CDH10: variants seen among roughly 807,000 people sequenced by gnomAD.
CDH10 encodes cadherin-10.
A neutral mutation model predicts 73.1 loss-of-function variants in CDH10; 30 were observed. The ratio of observed to expected loss-of-function variants is 0.41; its 90% CI spans 0.31 to 0.56. The LOEUF is 0.56. Ranked by LOEUF, CDH10 falls within the 20% of genes least tolerant of loss-of-function variation. The pLI, the probability that CDH10 is intolerant of heterozygous loss-of-function variation, is 0.27. For synonymous variants in CDH10, 345 were observed against 348.2 expected (o/e 0.99, Z 0.10); for missense variants, 815 against 973.7 (o/e 0.84, Z 2.17).
chr5:24,597,534 T>C (rs1444744951), intron 1 of CDH10, among the ~76,000 whole-genome samples: 1 of 152,096 alleles, frequency 6.6e-6, no homozygotes, highest in Admixed American at 6.6e-5. Flanking sequence ...TCCACGTTTT[T>C]TTAACCAGAG....
chr5:24,561,866 T>A (rs1290209132), intron 2 of CDH10, among the ~76,000 whole-genome samples: 1 of 152,088 alleles, frequency 6.6e-6, no homozygotes, highest in African/African-American at 2.4e-5. Context: ...ATTCAGAACA[T>A]TAAGAGAGGC....
intron 9 of CDH10, among the ~76,000 whole-genome samples, chr5:24,493,909 A>C (rs1166669497): frequency 6.6e-6 from 1 of 151,940 alleles, no homozygotes; most frequent in Non-Finnish European, 1.5e-5. Flanking sequence ...TAAAAACATT[A>C]TGTCAAAAAT....
intron 1 of CDH10, among the ~76,000 whole-genome samples, chr5:24,620,165 G>A (rs776454966): frequency 2.0e-5 from 3 of 152,048 alleles, no homozygotes; most frequent in African/African-American, 4.8e-5. Context: ...CTCCTCACAC[G>A]TTAATAGGCA....
chr5:24,631,650 C>T (rs2112197462), intron 1 of CDH10, among the ~76,000 whole-genome samples: 1 of 151,932 alleles, frequency 6.6e-6, no homozygotes, highest in African/African-American at 2.4e-5. Context: ...CCTGAAACTC[C>T]AATCATATCG....
intron 2 of CDH10, among the ~76,000 whole-genome samples, chr5:24,589,514 A>G: frequency 6.7e-6 from 1 of 148,466 alleles, no homozygotes; most frequent in East Asian, 2.0e-4. Context: ...GTGTTTTGGG[A>G]TTTTTCTCAA....
At chr5:24,618,103 C>G (rs1747184138) in intron 1 of CDH10, among the ~76,000 whole-genome samples, 1 of 152,098 alleles carries the variant, frequency 6.6e-6, no homozygotes, top group Admixed American at 6.5e-5. Context: ...AGAATTTTTT[C>G]ACTGTTAAAT....
At chr5:24,517,237 C>T (rs779765649) in intron 5 of CDH10, among the ~76,000 whole-genome samples, 1 of 152,122 alleles carries the variant, frequency 6.6e-6, no homozygotes, top group Non-Finnish European at 1.5e-5. Flanking sequence ...GAAGTAGTCG[C>T]ACATTTTTGT....
At chr5:24,507,701 C>T (rs1029674327) in intron 7 of CDH10, among the ~76,000 whole-genome samples, 7 of 151,564 alleles carry the variant, frequency 4.6e-5, no homozygotes, top group African/African-American at 1.2e-4. Context: ...CAAGAAAATG[C>T]TTGGTAAATA....
intron 1 of CDH10, among the ~76,000 whole-genome samples, chr5:24,637,814 C>A (rs148655714): frequency 2.0e-5 from 3 of 151,766 alleles, no homozygotes; most frequent in African/African-American, 7.3e-5. Flanking sequence ...TAAGTACTAT[C>A]AAAAATTTCA....
At chr5:24,518,219 C>G (rs1267712511) in intron 5 of CDH10, among the ~76,000 whole-genome samples, 1 of 151,970 alleles carries the variant, frequency 6.6e-6, no homozygotes, top group Non-Finnish European at 1.5e-5. Context: ...AAGTGAGGCA[C>G]GTTAATATCT....
intron 2 of CDH10, among the ~76,000 whole-genome samples, chr5:24,545,222 T>G (rs1744296812): frequency 6.6e-6 from 1 of 152,184 alleles, no homozygotes; most frequent in African/African-American, 2.4e-5. Context: ...AAAATGACAT[T>G]GAACGTTTTT....
intron 1 of CDH10, among the ~76,000 whole-genome samples, chr5:24,644,250 A>C (rs1318856268): frequency 1.3e-5 from 2 of 152,188 alleles, no homozygotes; most frequent in South Asian, 4.1e-4. Flanking sequence ...TTTAAAATAA[A>C]AATGAACAAG....
chr5:24,600,186 C>T (rs1206955875), intron 1 of CDH10, among the ~76,000 whole-genome samples: 1 of 152,054 alleles, frequency 6.6e-6, no homozygotes, highest in Non-Finnish European at 1.5e-5. Flanking sequence ...GGATCAATCC[C>T]AAAATATAGA....
At chr5:24,575,355 C>CAAAAAAAAAAA (rs751333761) in intron 2 of CDH10, among the ~76,000 whole-genome samples, 33 of 123,810 alleles carry the variant, frequency 2.7e-4, no homozygotes, top group African/African-American at 6.8e-4. Flanking sequence ...ACAAAAACAA[C>CAAAAAAAAAAA]AAAAAAAAAA....
At chr5:24,613,493 G>T (rs1579471744) in intron 1 of CDH10, among the ~76,000 whole-genome samples, 3 of 111,320 alleles carry the variant, frequency 2.7e-5, no homozygotes, top group Non-Finnish European at 5.3e-5. Flanking sequence ...TTCTGCTATT[G>T]TTTGGCTTGC....
intron 2 of CDH10, among the ~76,000 whole-genome samples, chr5:24,564,138 G>A (rs948674858): frequency 1.3e-5 from 2 of 152,110 alleles, no homozygotes; most frequent in Non-Finnish European, 2.9e-5. Context: ...TGTAATATGT[G>A]TATTCATTGC....
intron 1 of CDH10, among the ~76,000 whole-genome samples, chr5:24,623,654 T>C (rs1747391236): frequency 6.6e-6 from 1 of 152,142 alleles, no homozygotes; most frequent in Non-Finnish European, 1.5e-5. Context: ...TGAACAAAAA[T>C]ATTTATGAAT....
chr5:24,534,860 T>TCA (rs1188635076), intron 5 of CDH10, among the ~76,000 whole-genome samples: 1 of 152,126 alleles, frequency 6.6e-6, no homozygotes, highest in Non-Finnish European at 1.5e-5. Context: ...GATGCCAGGC[T>TCA]CACATATGAA....
Position 24,487,708 on chromosome 5 carries a change from C to T in CDH10, c.2322G>A (p.Lys774=), listed in dbSNP as rs749094897. Residue 774 remains lysine, a synonymous_variant, in exon 12 of 12, where the codon AAG becomes AAA. Coordinates refer to ENST00000264463, the MANE Select transcript of CDH10 (RefSeq NM_006727.5). The part of the protein sequence containing the change: ...YLREWGPRFN[K]LAEMYGGGES... ...CCCCACCACCATACATTTCTGCTAGCTTATTAAACCGAGGGCCCCATTCTC... is the reference window on the plus strand; with the variant it reads ...CCCCACCACCATACATTTCTGCTAGTTTATTAAACCGAGGGCCCCATTCTC... 6 of 1,613,068 alleles carry T rather than the reference C, an allele frequency of 3.7e-6. No individual in the cohort carries two copies. The highest frequency in any genetic ancestry group is 2.2e-5 in the East Asian group (1 of 44,850).
Sources: gnomAD v4.1 joint callset for allele counts (sites outside exome capture counted in the v4.1 genomes callset) on GRCh38, gnomAD v4.1.1 for gene constraint, MANE v1.5 for transcripts, NCBI Gene and HGNC (gene_info 2026-07-23, HGNC 2026-07-21) for gene names.